MAP4K3: variants seen among roughly 807,000 people sequenced by gnomAD.
MAP4K3 encodes the protein MAPK/ERK kinase kinase kinase 3.
In MAP4K3, 94 loss-of-function variants were observed where a neutral mutation model predicts 143.5. That is an observed-to-expected ratio of 0.65 (90% CI 0.55 to 0.78). MAP4K3 has a LOEUF of 0.78. MAP4K3 is among the 30% of genes least tolerant of loss of function. The pLI is 0.00. For synonymous variants in MAP4K3, 416 were observed against 347.2 expected, an observed-to-expected ratio of 1.20 and a Z score of -2.20; for missense variants, 1,077 against 1,068.1, an observed-to-expected ratio of 1.01 and a Z score of -0.12.
intron 1 of MAP4K3, among the ~76,000 whole-genome samples, chr2:39,414,185 C>G (rs528703121): frequency 6.6e-6 from 1 of 152,308 alleles, no homozygotes; most frequent in African/African-American, 2.4e-5. Flanking sequence ...TCACCAACCT[C>G]TCCATCAAAA....
chr2:39,305,444 C>T (rs1031690383), intron 15 of MAP4K3, among the ~76,000 whole-genome samples: 1 of 152,144 alleles, frequency 6.6e-6, no homozygotes, highest in African/African-American at 2.4e-5. Context: ...CTTCTTTGCA[C>T]TTTAAATCAC....
intron 2 of MAP4K3, among the ~76,000 whole-genome samples, chr2:39,374,401 G>A (rs1666163235): frequency 6.6e-6 from 1 of 151,888 alleles, no homozygotes; most frequent in African/African-American, 2.4e-5. Context: ...AATAAATTAG[G>A]CCAGGTTCGG....
At position 39,409,587 on chromosome 2, in the gene MAP4K3, C is replaced by T. The variant is rs548238527; in HGVS notation, c.96+27305G>A. ...CAACAACAAATCACTTAAAGCTAAA[C>T]TAGATGTTTCAGCCAGTTTGTAAAT... is the stretch of plus-strand genomic sequence containing the variant. On this transcript the variant is annotated intron_variant, in intron 1 of 33. Coordinates refer to ENST00000263881, the MANE Select transcript of MAP4K3 (RefSeq NM_003618.4). Among the ~76,000 whole-genome samples, 146 of 152,252 alleles carry T rather than the reference C, an allele frequency of 9.6e-4. 1 individual carries two copies. Among genetic ancestry groups the T allele is most frequent in the African/African-American group, 3.2e-3 (135 of 41,544 alleles).
intron 13 of MAP4K3, among the ~76,000 whole-genome samples, chr2:39,310,173 T>G (rs1215361885): frequency 1.3e-5 from 2 of 152,258 alleles, no homozygotes; most frequent in South Asian, 2.1e-4. Context: ...ATTTCCCTAC[T>G]CTGCTACTGA....
intron 24 of MAP4K3, among the ~76,000 whole-genome samples, chr2:39,273,377 C>T (rs1374025261): frequency 1.3e-5 from 2 of 152,242 alleles, no homozygotes; most frequent in Non-Finnish European, 2.9e-5. Context: ...TTAACTAGGC[C>T]TCCAAGTAAT....
At chr2:39,322,680 T>G (rs1006405020) in intron 12 of MAP4K3, among the ~76,000 whole-genome samples, 7 of 150,944 alleles carry the variant, frequency 4.6e-5, no homozygotes, top group African/African-American at 1.7e-4. Context: ...TTTTTGTTTT[T>G]TTTTTTTGAG....
chr2:39,266,466 T>C (rs1680768377), intron 27 of MAP4K3, among the ~76,000 whole-genome samples: 1 of 152,236 alleles, frequency 6.6e-6, no homozygotes, highest in African/African-American at 2.4e-5. Context: ...GCTAAGCGAA[T>C]AGTCAGCATT....
chr2:39,422,656 A>G (rs1467340907), intron 1 of MAP4K3, among the ~76,000 whole-genome samples: 1 of 152,232 alleles, frequency 6.6e-6, no homozygotes, highest in East Asian at 1.9e-4. Flanking sequence ...AGGTGATCCA[A>G]TGGGAAAAGG....
chr2:39,334,129 T>C (rs1165838392), intron 6 of MAP4K3, among the ~76,000 whole-genome samples: 1 of 152,054 alleles, frequency 6.6e-6, no homozygotes, highest in Non-Finnish European at 1.5e-5. Flanking sequence ...CTTAGGCCCA[T>C]CCAGTACATA....
rs188454911 is a variant in MAP4K3, at chr2:39,361,054, G to C, written c.155-4715C>G. ...TATCTAGCACAGTGTCACTATTAAG[G>C]ATATGCACTTTGAAATCAGAATATC... On this transcript the variant is annotated intron_variant, in intron 2 of 33. Coordinates refer to ENST00000263881, the MANE Select transcript of MAP4K3 (RefSeq NM_003618.4). Among the ~76,000 whole-genome samples the C allele has an allele frequency of 2.0e-5, 3 of 152,198 alleles. No individual in the cohort carries two copies. The East Asian group carries it at 5.8e-4, about 29-fold the overall frequency.
chr2:39,282,086 T>G (rs1157684973), intron 22 of MAP4K3, among the ~76,000 whole-genome samples: 1 of 150,626 alleles, frequency 6.6e-6, no homozygotes, highest in African/African-American at 2.5e-5. Flanking sequence ...TCCCAGCTAC[T>G]CGAGAGGCTG....
chr2:39,361,917 A>C (rs547817312), intron 2 of MAP4K3, among the ~76,000 whole-genome samples: 3 of 152,058 alleles, frequency 2.0e-5, no homozygotes, highest in Non-Finnish European at 4.4e-5. Context: ...AAGATGACAA[A>C]AGGAAAATAA....
intron 1 of MAP4K3, among the ~76,000 whole-genome samples, chr2:39,391,358 C>CAGAAAAAAAAA (rs1666651320): frequency 2.2e-5 from 1 of 45,432 alleles, no homozygotes; most frequent in Non-Finnish European, 3.8e-5. Context: ...GACTCCATCT[C>CAGAAAAAAAAA]AAAAAAAAAA....
At chr2:39,264,698 G>A (rs983368396) in intron 28 of MAP4K3, among the ~76,000 whole-genome samples, 3 of 152,264 alleles carry the variant, frequency 2.0e-5, no homozygotes, top group Non-Finnish European at 4.4e-5. Context: ...GTAAGTTACA[G>A]ATGAGTAACA....
intron 2 of MAP4K3, among the ~76,000 whole-genome samples, chr2:39,366,589 G>A (rs769909988): frequency 3.3e-4 from 50 of 152,268 alleles, no homozygotes; most frequent in African/African-American, 1.2e-3. Flanking sequence ...TTCCATCATG[G>A]CCTGAATTTT....
At chr2:39,260,517 A>G in intron 29 of MAP4K3, 89 bp downstream of exon 29, 1 of 1,003,894 alleles carries the variant, frequency 1.0e-6, no homozygotes, top group Non-Finnish European at 1.5e-6. Context: ...CAGTATATGC[A>G]GTTTTTCCTT....
chr2:39,272,228 A>T (rs1166072911), intron 26 of MAP4K3, 55 bp downstream of exon 26: 1 of 1,321,254 alleles, frequency 7.6e-7, no homozygotes, highest in Non-Finnish European at 1.1e-6. Flanking sequence ...TGTAACATAA[A>T]TATTTATGAG....
chr2:39,356,133 A>C, intron 3 of MAP4K3, 116 bp downstream of exon 3: 1 of 638,680 alleles, frequency 1.6e-6, no homozygotes, highest in East Asian at 2.9e-5. Context: ...AAAATATCCT[A>C]TCTTCAAAGC....
At chr2:39,336,465 C>T in intron 6 of MAP4K3, among the ~76,000 whole-genome samples, 1 of 94,544 alleles carries the variant, frequency 1.1e-5, no homozygotes, top group African/African-American at 4.3e-5. Flanking sequence ...GAGCGAGACT[C>T]CATCTCAAAA....
Sources: allele counts gnomAD v4.1 joint callset (sites outside exome capture counted in the v4.1 genomes callset), GRCh38; gene constraint gnomAD v4.1.1; transcripts MANE v1.5; gene names NCBI Gene and HGNC (gene_info 2026-07-23, HGNC 2026-07-21).